Variants in ATE1 observed in about 807,000 individuals in gnomAD.
ATE1 encodes arginyltransferase 1, also known as arginyl-tRNA--protein transferase 1.
ATE1 carries 36 observed loss-of-function variants against 70.5 expected under a neutral mutation model. The observed-to-expected ratio is 0.51, with a 90% confidence interval of 0.39 to 0.67. ATE1 has a LOEUF of 0.67. Among genes scored for constraint, ATE1 ranks in the 30% least tolerant of loss-of-function variants. The pLI is 0.00. For missense variants in ATE1, 593 were observed against 629.5 expected, an observed-to-expected ratio of 0.94 and a Z score of 0.62; for synonymous variants, 232 against 219.3, an observed-to-expected ratio of 1.06 and a Z score of -0.51.
rs11200142 is a variant in ATE1, at chr10:121,775,394, G to A, written c.1378+14775C>T. On this transcript the variant is annotated intron_variant, in intron 11 of 11. Coordinates refer to ENST00000224652, the MANE Select transcript of ATE1 (RefSeq NM_001001976.3). ...GGGCTTAAAACCTAGTTGAAGGGTCGATAGGTGCAGCAAACCACGGTGGCA... is the reference window on the plus strand; with the variant it reads ...GGGCTTAAAACCTAGTTGAAGGGTCAATAGGTGCAGCAAACCACGGTGGCA... 0.021 allele frequency among the ~76,000 whole-genome samples: 3,214 copies of A among 152,118 alleles called. 164 individuals carry two copies. The East Asian group carries it at 0.23, about 11-fold the overall frequency.
intron 10 of ATE1, among the ~76,000 whole-genome samples, chr10:121,829,800 C>G (rs1055493833): frequency 3.9e-5 from 6 of 152,062 alleles, no homozygotes; most frequent in African/African-American, 1.4e-4. Flanking sequence ...AAAACATGTT[C>G]GTAGATTTTT....
intron 10 of ATE1, among the ~76,000 whole-genome samples, chr10:121,817,002 C>G (rs193272886): frequency 2.9e-4 from 44 of 152,248 alleles, no homozygotes; most frequent in African/African-American, 9.1e-4. Context: ...TCTGACAATT[C>G]AAACACAACA....
chr10:121,775,646 T>C (rs983165640), intron 11 of ATE1, among the ~76,000 whole-genome samples: 4 of 152,196 alleles, frequency 2.6e-5, no homozygotes, highest in African/African-American at 4.8e-5. Flanking sequence ...AAAACACAAA[T>C]TGCAAGCCAT....
intron 11 of ATE1, among the ~76,000 whole-genome samples, chr10:121,784,629 G>T (rs981124181): frequency 1.3e-5 from 2 of 152,134 alleles, no homozygotes; most frequent in Non-Finnish European, 2.9e-5. Context: ...AGGCAGAGGC[G>T]GGTGGATCGC....
chr10:121,802,314 C>CTTT (rs11354853), intron 10 of ATE1, among the ~76,000 whole-genome samples: 3 of 146,396 alleles, frequency 2.0e-5, no homozygotes, highest in Non-Finnish European at 1.5e-5. Flanking sequence ...GTCTACTCCA[C>CTTT]TTTTTTTTTT....
At chr10:121,764,983 C>T (rs532073357) in intron 11 of ATE1, among the ~76,000 whole-genome samples, 1 of 152,320 alleles carries the variant, frequency 6.6e-6, no homozygotes, top group Admixed American at 6.5e-5. Flanking sequence ...TGTCGATCTC[C>T]AAGTAGTGCC....
chr10:121,749,015 A>G (rs896133506), intron 11 of ATE1, among the ~76,000 whole-genome samples: 1 of 152,190 alleles, frequency 6.6e-6, no homozygotes, highest in African/African-American at 2.4e-5. Flanking sequence ...TTACTAAAAT[A>G]CGACTTAATT....
chr10:121,790,429 C>T (rs762282671), intron 10 of ATE1, 140 bp from the exon 11 acceptor site: 8 of 1,084,248 alleles, frequency 7.4e-6, no homozygotes, highest in Non-Finnish European at 8.8e-6. Flanking sequence ...TACTAAGCAA[C>T]CCTGTAGCTG....
rs145648056 is a variant in ATE1 at position 121,771,377 on chromosome 10, C to T, written c.1378+18792G>A. ...AGCCACCGTGCCCGGCCTCTCTCTACTTTAAATAGTGATTTTCTGAATGCC... is the reference window on the plus strand; with the variant it reads ...AGCCACCGTGCCCGGCCTCTCTCTATTTTAAATAGTGATTTTCTGAATGCC... On this transcript the variant is annotated intron_variant, in intron 11 of 11. Coordinates refer to ENST00000224652, the MANE Select transcript of ATE1 (RefSeq NM_001001976.3). Among the ~76,000 whole-genome samples, 804 of 152,260 alleles carry T rather than the reference C, an allele frequency of 5.3e-3. 8 individuals are homozygous for T. Among genetic ancestry groups the T allele is most frequent in the African/African-American group, 0.018 (746 of 41,532 alleles).
chr10:121,895,362 C>T (rs1338487097), intron 7 of ATE1, among the ~76,000 whole-genome samples: 2 of 152,220 alleles, frequency 1.3e-5, no homozygotes, highest in East Asian at 3.8e-4. Context: ...GTAGTCCTAG[C>T]ACCTCGGGAG....
chr10:121,928,304 G>C, upstream of ATE1: 17 of 1,505,372 alleles, frequency 1.1e-5, no homozygotes, highest in Non-Finnish European at 1.5e-5. Context: ...GGGCCTGTGC[G>C]GGGCGCGGCG....
At position 121,902,742 on chromosome 10, in the gene ATE1, A is replaced by G. The variant is rs1373175907; in HGVS notation, c.584-122T>C. The G allele has an allele frequency of 6.2e-6, 6 of 965,274 alleles. No individual in the cohort carries two copies. The East Asian group carries it at 1.6e-4, about 25-fold the overall frequency. 59.8% of individuals were successfully genotyped at this position (965,274 alleles called of 1,614,324 possible). On this transcript the variant is annotated intron_variant, in intron 5 of 11. Coordinates refer to ENST00000224652, the MANE Select transcript of ATE1 (RefSeq NM_001001976.3). The stretch of plus-strand genomic sequence containing the variant: ...TCAATGGTTAGGCTAGCTTTGGGGT[A>G]GATGTTTCAGAGGATCCTGATACAG...
chr10:121,873,691 T>TA (rs761239187), intron 7 of ATE1, among the ~76,000 whole-genome samples: 5,187 of 139,112 alleles, frequency 0.037, 171 homozygotes, highest in African/African-American at 0.093. Flanking sequence ...TTTGGTAAGT[T>TA]AAAAAAAAAA....
chr10:121,819,810 C>T (rs904060815), intron 10 of ATE1, among the ~76,000 whole-genome samples: 5 of 151,674 alleles, frequency 3.3e-5, no homozygotes, highest in African/African-American at 7.3e-5. Flanking sequence ...AGCTGTTCCC[C>T]GCCCCCCAAC....
At chr10:121,785,421 G>A (rs1298626534) in intron 11 of ATE1, among the ~76,000 whole-genome samples, 2 of 152,140 alleles carry the variant, frequency 1.3e-5, no homozygotes, top group Admixed American at 6.6e-5. Context: ...AGTGGTGCCA[G>A]GCTTGGAGAA....
rs10603053 is a variant in ATE1 at position 121,851,090 on chromosome 10, CAAAAAAAAAAAAAAAA to C, written c.976-9843_976-9828del. Among the ~76,000 whole-genome samples the C allele has an allele frequency of 7.2e-4, 31 of 43,224 alleles. No homozygotes were observed. In the South Asian group the frequency reaches 0.012, roughly 17 times the overall value. The allele number at this position is 43,224 out of a possible 152,430, so 28.4% of individuals were successfully genotyped here. ...TGGGCCACAAAGCGAGACTCCATCT[CAAAAAAAAAAAAAAAA>C]AAAAAAAAAAAAAAAAAGAATTTCA... is the stretch of plus-strand genomic sequence containing the variant. On this transcript the variant is annotated intron_variant, in intron 8 of 11. Transcript: ENST00000224652.
intron 11 of ATE1, among the ~76,000 whole-genome samples, chr10:121,746,139 G>A (rs1944361104): frequency 6.6e-6 from 1 of 152,042 alleles, no homozygotes; most frequent in Non-Finnish European, 1.5e-5. Flanking sequence ...GGCTTCCCTG[G>A]ACCCACATAA....
At chr10:121,828,454 T>C (rs1238263353) in intron 10 of ATE1, among the ~76,000 whole-genome samples, 1 of 152,148 alleles carries the variant, frequency 6.6e-6, no homozygotes, top group Non-Finnish European at 1.5e-5. Context: ...TCAGCTTGAG[T>C]GGAGCTGAAA....
chr10:121,902,190 A>G (rs373109505), intron 6 of ATE1, among the ~76,000 whole-genome samples: 1 of 151,496 alleles, frequency 6.6e-6, no homozygotes, highest in Admixed American at 6.6e-5. Flanking sequence ...AAAGTCTTTT[A>G]AAAAAAAAGG....
Sources: allele counts gnomAD v4.1 joint callset (sites outside exome capture counted in the v4.1 genomes callset), GRCh38; gene constraint gnomAD v4.1.1; transcripts MANE v1.5; gene names NCBI Gene and HGNC (gene_info 2026-07-23, HGNC 2026-07-21).